BRD10: variants seen among roughly 807,000 people sequenced by gnomAD.
The protein encoded by BRD10 is uncharacterized bromodomain-containing protein 10.
chr9:5,920,313 T>C, the BRD10 span: 1 of 1,613,846 alleles, frequency 6.2e-7, no homozygotes, highest in Non-Finnish European at 8.5e-7. Flanking sequence ...ATAAACCGGG[T>C]TCCGTTAATC....
At chr9:5,907,097 G>A in the BRD10 span, 1 of 772,112 alleles carries the variant, frequency 1.3e-6, no homozygotes, top group Non-Finnish European at 2.0e-6. Context: ...CAATGTGAAT[G>A]TACTCATTGC....
chr9:5,992,711 T>TC, the BRD10 span, among the ~76,000 whole-genome samples: 26 of 48,588 alleles, frequency 5.4e-4, no homozygotes, highest in Admixed American at 1.4e-3. Flanking sequence ...ACTTTCTTTC[T>TC]CCCCCTTTTT....
the BRD10 span, among the ~76,000 whole-genome samples, chr9:5,986,282 G>C: frequency 6.6e-6 from 1 of 152,164 alleles, no homozygotes. Context: ...CTTCATCCAT[G>C]TCCCTGCAAA....
At chr9:5,984,426 A>G in the BRD10 span, among the ~76,000 whole-genome samples, 5 of 152,212 alleles carry the variant, frequency 3.3e-5, no homozygotes, top group Non-Finnish European at 5.9e-5. Flanking sequence ...TCCTACAGAA[A>G]CTACTTTGAA....
the BRD10 span, among the ~76,000 whole-genome samples, chr9:5,894,226 C>T: frequency 6.6e-6 from 1 of 152,160 alleles, no homozygotes; most frequent in Admixed American, 6.5e-5. The surrounding 1 kb of genome is among the most constrained non-coding windows in gnomAD (Gnocchi z 4.0). Flanking sequence ...TCATGCCCAG[C>T]TGGGGAACCT....
the BRD10 span, among the ~76,000 whole-genome samples, chr9:5,949,371 AAACAACAAC>A: frequency 9.2e-5 from 14 of 151,980 alleles, no homozygotes; most frequent in East Asian, 3.9e-4. Context: ...ACAAACAAAC[AAACAACAAC>A]AACAACAACA....
At chr9:5,920,898 A>G in the BRD10 span, 4 of 1,614,012 alleles carry the variant, frequency 2.5e-6, no homozygotes, top group African/African-American at 1.3e-5. Context: ...CTTGATGAGC[A>G]AAGTCTATTT....
the BRD10 span, among the ~76,000 whole-genome samples, chr9:5,879,375 A>G: frequency 1.3e-5 from 2 of 150,642 alleles, no homozygotes; most frequent in Admixed American, 6.6e-5. Context: ...CTCTGTCTCA[A>G]AAAAAAAAGA....
At chr9:5,893,617 C>A in the BRD10 span, among the ~76,000 whole-genome samples, 1 of 152,114 alleles carries the variant, frequency 6.6e-6, no homozygotes, top group Non-Finnish European at 1.5e-5. Flanking sequence ...GGGAGGGGAG[C>A]CCATTGCCCG....
chr9:5,905,064 T>C, the BRD10 span, among the ~76,000 whole-genome samples: 12 of 152,324 alleles, frequency 7.9e-5, no homozygotes, highest in South Asian at 8.3e-4. Context: ...TGAGCCACCG[T>C]GCCCGGCCTT....
chr9:6,004,270 T>A, the BRD10 span, among the ~76,000 whole-genome samples: 1 of 152,228 alleles, frequency 6.6e-6, no homozygotes, highest in African/African-American at 2.4e-5. Flanking sequence ...TATTCTATTT[T>A]TAAGTAACTG....
the BRD10 span, among the ~76,000 whole-genome samples, chr9:5,894,922 T>C: frequency 6.6e-6 from 1 of 152,166 alleles, no homozygotes; most frequent in African/African-American, 2.4e-5. The surrounding 1 kb of genome is among the most constrained non-coding windows in gnomAD (Gnocchi z 4.0). Context: ...ATGACCACTA[T>C]CATGTGAAGG....
chr9:5,887,494 G>A, the BRD10 span, among the ~76,000 whole-genome samples: 1 of 152,144 alleles, frequency 6.6e-6, no homozygotes, highest in African/African-American at 2.4e-5. Flanking sequence ...TGAGATCCAG[G>A]TCAGTACTCC....
the BRD10 span, among the ~76,000 whole-genome samples, chr9:5,989,615 A>G: frequency 6.8e-6 from 1 of 147,986 alleles, no homozygotes; most frequent in Non-Finnish European, 1.5e-5. Flanking sequence ...TGCAGCTTCA[A>G]CCTCCCTGGG....
At chr9:5,941,651 A>G in the BRD10 span, among the ~76,000 whole-genome samples, 2 of 152,232 alleles carry the variant, frequency 1.3e-5, no homozygotes, top group Non-Finnish European at 2.9e-5. Flanking sequence ...CTTTGCAAGA[A>G]TGAGTAAACA....
At chr9:5,989,671 A>AG in the BRD10 span, among the ~76,000 whole-genome samples, 1 of 151,620 alleles carries the variant, frequency 6.6e-6, no homozygotes, top group African/African-American at 2.4e-5. Flanking sequence ...CTGGGACCAC[A>AG]GGCATGTGCC....
chr9:5,922,412 T>G, the BRD10 span: 1 of 1,614,010 alleles, frequency 6.2e-7, no homozygotes, highest in Non-Finnish European at 8.5e-7. Context: ...TGTTAATAAG[T>G]TACTTACAGA....
the BRD10 span, chr9:5,953,959 G>T: frequency 2.2e-6 from 2 of 929,886 alleles, no homozygotes; most frequent in African/African-American, 1.7e-5. Context: ...CTCGAGGAAT[G>T]ATATGAACAC....
chr9:5,987,549 C>T, the BRD10 span, among the ~76,000 whole-genome samples: 1 of 152,090 alleles, frequency 6.6e-6, no homozygotes, highest in Admixed American at 6.5e-5. Context: ...AAATTAATTA[C>T]TGCTGGAAAA....
Sources: gnomAD v4.1 joint callset for allele counts (sites outside exome capture counted in the v4.1 genomes callset) on GRCh38, gnomAD v4.1.1 for gene constraint, Gnocchi (gnomAD v3.1) non-coding constraint, MANE v1.5 for transcripts, NCBI Gene and HGNC (gene_info 2026-07-23, HGNC 2026-07-21) for gene names.